Variants in CFAP65 observed in about 807,000 individuals in gnomAD.
CFAP65 encodes cilia- and flagella-associated protein 65.
CFAP65 carries 155 observed loss-of-function variants against 208.0 expected under a neutral mutation model. The ratio of observed to expected loss-of-function variants is 0.75; its 90% CI spans 0.65 to 0.85. The LOEUF (loss-of-function observed/expected upper bound fraction) is 0.85, where lower values mean the gene tolerates loss of function less well. Ranked by LOEUF, CFAP65 falls within the 40% of genes least tolerant of loss-of-function variation. The pLI, the probability that CFAP65 is intolerant of heterozygous loss-of-function variation, is 0.00. For synonymous variants in CFAP65, 970 were observed against 986.3 expected, an observed-to-expected ratio of 0.98 and a Z score of 0.31; for missense variants, 2,294 against 2,451.3, an observed-to-expected ratio of 0.94 and a Z score of 1.36.
chr2:219,006,452 C>A lies in CFAP65; in HGVS notation c.4719+13G>T, dbSNP rs1559114687. 1 of 1,613,664 alleles carries A rather than the reference C, an allele frequency of 6.2e-7. No individual in the cohort carries two copies. Among genetic ancestry groups the A allele is most frequent in the Non-Finnish European group, 8.5e-7 (1 of 1,179,966 alleles). On this transcript the variant is annotated intron_variant, in intron 30 of 34. Coordinates refer to ENST00000341552, the MANE Select transcript of CFAP65 (RefSeq NM_194302.4). Reference sequence around the variant, plus strand: ...TTGTCCCAAGAAGATGGGCCTGGGGCTCGCCGCCTCACCTTGTACTTCCTC... The same window carrying A: ...TTGTCCCAAGAAGATGGGCCTGGGGATCGCCGCCTCACCTTGTACTTCCTC...
At chr2:219,036,378 G>A (rs1948361759) in intron 4 of CFAP65, among the ~76,000 whole-genome samples, 1 of 152,010 alleles carries the variant, frequency 6.6e-6, no homozygotes, top group Non-Finnish European at 1.5e-5. Flanking sequence ...GGTGGAGGGA[G>A]GATGAACTGG....
chr2:219,006,074 G>C lies in CFAP65; in HGVS notation c.4869C>G (p.Thr1623=). ...AGAAGAAGTTAGCCAGAAAGTAGTCGGTGGCATGGGCTCGGGCAGTAAGGC... is the reference window on the plus strand; with the variant it reads ...AGAAGAAGTTAGCCAGAAAGTAGTCCGTGGCATGGGCTCGGGCAGTAAGGC... ...CLGLTARAHA[T]DYFLANFFSE... The change falls in exon 31 of 35, where the codon ACC becomes ACG. Residue 1623 remains threonine, a synonymous_variant. Coordinates refer to ENST00000341552, the MANE Select transcript of CFAP65 (RefSeq NM_194302.4). 1 of 1,613,514 alleles carries C rather than the reference G, an allele frequency of 6.2e-7. No homozygotes were observed. Among genetic ancestry groups the C allele is most frequent in the Non-Finnish European group, 8.5e-7 (1 of 1,180,022 alleles).
At position 219,003,348 on chromosome 2, in the gene CFAP65, C is replaced by A. The variant is rs1006401738; in HGVS notation, c.5556-76G>T. ...TCCTCGCTCGCCTGTCCGTGCGGTACATTGTGCCGCGAGCTCTACGGAGAT... is the reference window on the plus strand; with the variant it reads ...TCCTCGCTCGCCTGTCCGTGCGGTAAATTGTGCCGCGAGCTCTACGGAGAT... On this transcript the variant is annotated intron_variant, in intron 33 of 34. Coordinates refer to ENST00000341552, the MANE Select transcript of CFAP65 (RefSeq NM_194302.4). This position sits in a 1 kb window ranked among gnomAD's most constrained non-coding sequence, Gnocchi z 4.4. 6.9e-7 allele frequency: 1 copy of A among 1,445,554 alleles called. No homozygotes were observed. Among genetic ancestry groups the A allele is most frequent in the African/African-American group, 1.4e-5 (1 of 69,682 alleles). The allele number at this position is 1,445,554 out of a possible 1,614,324, so 89.5% of individuals were successfully genotyped here.
chr2:219,041,446 C>T, intron 1 of CFAP65, 42 bp downstream of exon 1: 3 of 1,549,966 alleles, frequency 1.9e-6, no homozygotes, highest in Non-Finnish European at 2.6e-6. Flanking sequence ...TCGCGCCGCT[C>T]CCTGAGACCC....
intron 24 of CFAP65, 27 bp downstream of exon 24, chr2:219,013,232 G>T: frequency 6.7e-7 from 1 of 1,501,626 alleles, no homozygotes; most frequent in Non-Finnish European, 9.3e-7. Flanking sequence ...GGCCTTCTTG[G>T]TCAACAGGAC....
intron 16 of CFAP65, 72 bp downstream of exon 16, chr2:219,023,135 G>A (rs941026397): frequency 7.5e-7 from 1 of 1,330,700 alleles, no homozygotes; most frequent in Non-Finnish European, 1.1e-6. Context: ...GCAAGTCTGG[G>A]CTATGATAGG....
Position 219,031,581 on chromosome 2 carries a change from G to A in CFAP65, c.723C>T (p.Cys241=). 1.2e-6 allele frequency: 2 copies of A among 1,614,244 alleles called. No individual in the cohort carries two copies. Among genetic ancestry groups the A allele is most frequent in the Non-Finnish European group, 1.7e-6 (2 of 1,180,038 alleles). The stretch of plus-strand genomic sequence containing the variant: ...ATGGTGGGCGGCAGATCAGCCTGTG[G>A]CAGGGCAGGGTGGCCCGTAGGCCGA... ...FCVGLRATLP[C]HRLICRPPSL... Residue 241 remains cysteine (C), a synonymous_variant, in exon 7 of 35, where the codon TGC becomes TGT. Coordinates refer to ENST00000341552, the MANE Select transcript of CFAP65 (RefSeq NM_194302.4). This position sits in a 1 kb window ranked among gnomAD's most constrained non-coding sequence, Gnocchi z 5.2.
At position 219,009,283 on chromosome 2, in the gene CFAP65, A is replaced by G. The variant is rs73993393; in HGVS notation, c.4566+64T>C. 5,788 of 1,467,678 alleles carry G rather than the reference A, an allele frequency of 3.9e-3. 193 individuals carry two copies. In the African/African-American group the frequency reaches 0.07, roughly 18 times the overall value. The allele number at this position is 1,467,678 out of a possible 1,614,324, so 90.9% of individuals were successfully genotyped here. Reference sequence around the variant, plus strand: ...GGGTCTGGGGATCTCACAGCCCATCACACCCCACCCCAGCATTGGGAGCCA... The same window carrying G: ...GGGTCTGGGGATCTCACAGCCCATCGCACCCCACCCCAGCATTGGGAGCCA... On this transcript the variant is annotated intron_variant, in intron 28 of 34. Coordinates refer to ENST00000341552, the MANE Select transcript of CFAP65 (RefSeq NM_194302.4).
Position 219,011,000 on chromosome 2 carries a change from C to G in CFAP65, c.3958-4G>C. 6.3e-7 allele frequency: 1 copy of G among 1,595,000 alleles called. No individual in the cohort carries two copies. The highest frequency in any genetic ancestry group is 8.6e-7 in the Non-Finnish European group (1 of 1,165,662). ...CACCATTATACAGCTCATAAATCTG[C>G]AGGGGGCAGGAATAGGAAAATTGCC... is the stretch of plus-strand genomic sequence containing the variant. On this transcript the variant is annotated splice_region_variant and splice_polypyrimidine_tract_variant and intron_variant, in intron 24 of 34. Coordinates refer to ENST00000341552, the MANE Select transcript of CFAP65 (RefSeq NM_194302.4).
At chr2:219,033,497 AAGAAAGAAAAGAAAG>A (rs1379987281) in intron 5 of CFAP65, among the ~76,000 whole-genome samples, 1 of 152,050 alleles carries the variant, frequency 6.6e-6, no homozygotes, top group Non-Finnish European at 1.5e-5. Flanking sequence ...AAAGAAAGAA[AAGAAAGAAAAGAAAG>A]AGAAAGAAAG....
chr2:219,023,573 C>A, intron 15 of CFAP65, 142 bp from the exon 16 acceptor site: 1 of 646,834 alleles, frequency 1.5e-6, no homozygotes, highest in Non-Finnish European at 2.7e-6. Context: ...CGTGTACCGG[C>A]AGTTTCTGTC....
Position 219,023,287 on chromosome 2 carries a change from C to G in CFAP65, c.2740G>C (p.Glu914Gln). The change falls in exon 16 of 35, where the codon GAG becomes CAG. Residue 914 changes from glutamate to glutamine, a missense_variant. Transcript: ENST00000341552. ...RNPSRLPLQF[E>Q]WRVSEQHRKL... ...CGATGCTGCTCAGAGACCCTCCACT[C>G]GAACTGCAGGGGCAGACGCGAGGGG... 1 of 1,613,306 alleles carries G rather than the reference C, an allele frequency of 6.2e-7. No individual in the cohort carries two copies. The highest frequency in any genetic ancestry group is 8.5e-7 in the Non-Finnish European group (1 of 1,179,936).
chr2:219,027,090 G>A, intron 13 of CFAP65: 1 of 1,045,202 alleles, frequency 9.6e-7, no homozygotes, highest in Non-Finnish European at 1.2e-6. Context: ...AGTGGGGTGG[G>A]CAGAGTCAAG....
chr2:219,023,182 A>G, intron 16 of CFAP65, 25 bp downstream of exon 16: 1 of 1,586,318 alleles, frequency 6.3e-7, no homozygotes, highest in Non-Finnish European at 8.6e-7. Context: ...GGTTGCCGTC[A>G]CTCGGCAGGA....
chr2:219,029,902 T>C, intron 10 of CFAP65, 84 bp downstream of exon 10: 2 of 1,382,136 alleles, frequency 1.4e-6, no homozygotes, highest in Non-Finnish European at 2.0e-6. Flanking sequence ...TGGCCCCGCC[T>C]CCTAGGAGCA....
upstream of CFAP65, chr2:219,041,542 T>C (rs1477020446): frequency 1.9e-6 from 3 of 1,550,484 alleles, no homozygotes; most frequent in Middle Eastern, 1.7e-4. Context: ...AACGGCGTCT[T>C]CAGATATCCC....
chr2:219,019,160 C>CG lies in CFAP65; in HGVS notation c.3492dup (p.Val1165ArgfsTer8), dbSNP rs756341793. ...AAGTCAAGCCTTAAAGGGGTGAGGA[C>CG]GGGGGGGATCTGGCTCATGCTGTGA... On this transcript the variant is annotated frameshift_variant, in exon 21 of 35. Transcript: ENST00000341552. LOFTEE classifies it high-confidence loss of function. The CG allele has an allele frequency of 6.4e-5, 104 of 1,612,966 alleles. No individual in the cohort carries two copies. The highest frequency in any genetic ancestry group is 7.8e-5 in the Non-Finnish European group (92 of 1,179,496).
intron 29 of CFAP65, among the ~76,000 whole-genome samples, chr2:219,007,205 A>T (rs1946080211): frequency 2.8e-5 from 4 of 144,728 alleles, no homozygotes; most frequent in South Asian, 2.2e-4. Flanking sequence ...ACAGGGTCTC[A>T]CTCTGTCACC....
intron 2 of CFAP65, 117 bp downstream of exon 2, chr2:219,040,402 T>A: frequency 1.6e-5 from 11 of 670,630 alleles, no homozygotes; most frequent in Non-Finnish European, 2.2e-5. Context: ...GTTGGCAACA[T>A]GTCTAAACCC....
Sources: allele counts gnomAD v4.1 joint callset (sites outside exome capture counted in the v4.1 genomes callset), GRCh38; gene constraint gnomAD v4.1.1; non-coding constraint Gnocchi (gnomAD v3.1); transcripts MANE v1.5; gene names NCBI Gene and HGNC (gene_info 2026-07-23, HGNC 2026-07-21).